The following PLEKHM3 variants were observed in gnomAD, a reference collection of about 807,000 sequenced individuals.
PLEKHM3 encodes the protein pleckstrin homology domain-containing family M member 3.
PLEKHM3 carries 45 observed loss-of-function variants against 81.8 expected under a neutral mutation model. The ratio of observed to expected loss-of-function variants is 0.55; its 90% CI spans 0.43 to 0.71. The LOEUF (loss-of-function observed/expected upper bound fraction) is 0.71. Ranked by LOEUF, PLEKHM3 falls within the 30% of genes least tolerant of loss-of-function variation. The pLI is 0.00. For synonymous variants in PLEKHM3, 352 were observed against 356.4 expected, an observed-to-expected ratio of 0.99 and a Z score of 0.14; for missense variants, 788 against 924.3, an observed-to-expected ratio of 0.85 and a Z score of 1.91.
At chr2:207,841,111 C>G (rs2092348791) in intron 7 of PLEKHM3, among the ~76,000 whole-genome samples, 1 of 151,778 alleles carries the variant, frequency 6.6e-6, no homozygotes, top group Admixed American at 6.6e-5. Context: ...CCGGACAACT[C>G]TTTACGTATT....
At position 207,922,076 on chromosome 2, in the gene PLEKHM3, T is replaced by G. The variant is rs112179026; in HGVS notation, c.1886+8850A>C. On this transcript the variant is annotated intron_variant, in intron 5 of 7. Coordinates refer to ENST00000427836, the MANE Select transcript of PLEKHM3 (RefSeq NM_001080475.3). ...AAGCTCCATGCTCTTTTCCATAGAGTCTGTACTAATTTACATTCCCACCAA... is the reference window on the plus strand; with the variant it reads ...AAGCTCCATGCTCTTTTCCATAGAGGCTGTACTAATTTACATTCCCACCAA... Among the ~76,000 whole-genome samples, 346 of 152,264 alleles carry G rather than the reference T, an allele frequency of 2.3e-3. 4 individuals are homozygous for G. The highest frequency in any genetic ancestry group is 7.9e-3 in the African/African-American group (330 of 41,544).
chr2:207,953,535 C>T (rs73064852), intron 3 of PLEKHM3, among the ~76,000 whole-genome samples: 7 of 152,228 alleles, frequency 4.6e-5, no homozygotes, highest in African/African-American at 1.7e-4. Flanking sequence ...TGGCTCATGC[C>T]TATAATCCTT....
In PLEKHM3 at chr2:208,001,392, G is replaced by A; in HGVS notation, c.248C>T (p.Thr83Ile). The change falls in exon 2 of 8, where the codon ACC becomes ATC. Residue 83 changes from threonine (T) to isoleucine (I), a missense_variant. By Grantham distance (89) the Thr-to-Ile change is moderately conservative. Transcript: ENST00000427836. ...WDHCKSRLLETKAQNVFPAKE... is the reference protein window; with the variant it reads ...WDHCKSRLLEIKAQNVFPAKE... ...GGCAGGGAAGACATTTTGAGCTTTG[G>A]TTTCTAAGAGCCTGCTCTTACAGTG... The A allele has an allele frequency of 6.2e-7, 1 of 1,614,122 alleles. No homozygotes were observed. Among genetic ancestry groups the A allele is most frequent in the South Asian group, 1.1e-5 (1 of 91,078 alleles).
rs543295035 is a variant in PLEKHM3, at chr2:207,976,025, T to G, written c.1546+626A>C. ...TTGACCTCAAACTCCACTTTGCATC[T>G]CATCCTTACATAGCAGTTCCAGAAG... On this transcript the variant is annotated intron_variant, in intron 3 of 7. Transcript: ENST00000427836. The surrounding 1 kb of genome is among the most constrained non-coding windows in gnomAD (Gnocchi z 4.1). Among the ~76,000 whole-genome samples the G allele has an allele frequency of 4.1e-4, 62 of 152,198 alleles. 1 individual carries two copies. Among genetic ancestry groups the G allele is most frequent in the African/African-American group, 1.4e-3 (58 of 41,524 alleles).
At chr2:207,945,843 G>A (rs1380437278) in intron 4 of PLEKHM3, among the ~76,000 whole-genome samples, 2 of 151,838 alleles carry the variant, frequency 1.3e-5, no homozygotes, top group Non-Finnish European at 2.9e-5. Context: ...GGAGGTTGCA[G>A]TGAGCAAAGA....
chr2:207,863,916 T>A (rs552495586), intron 6 of PLEKHM3, among the ~76,000 whole-genome samples: 85 of 149,860 alleles, frequency 5.7e-4, no homozygotes, highest in East Asian at 2.5e-3. Flanking sequence ...GCAAAAAAAA[T>A]ATATATATAT....
chr2:207,962,829 G>A (rs1690784593), intron 3 of PLEKHM3, among the ~76,000 whole-genome samples: 1 of 151,654 alleles, frequency 6.6e-6, no homozygotes, highest in African/African-American at 2.4e-5. Flanking sequence ...CAGTCCTGCA[G>A]AGAGGGTATT....
chr2:207,887,827 T>C (rs558860472), intron 6 of PLEKHM3, among the ~76,000 whole-genome samples: 1 of 152,272 alleles, frequency 6.6e-6, no homozygotes, highest in African/African-American at 2.4e-5. Flanking sequence ...AGAGAGGGCA[T>C]TAATTTAGTA....
At chr2:207,875,087 T>C (rs1354874094) in intron 6 of PLEKHM3, among the ~76,000 whole-genome samples, 1 of 151,854 alleles carries the variant, frequency 6.6e-6, no homozygotes, top group African/African-American at 2.4e-5. Flanking sequence ...ATATATAAAG[T>C]AAACAATTAG....
rs145520073 is a variant in PLEKHM3, at chr2:207,937,744, G to A, written c.1693-6625C>T. Among the ~76,000 whole-genome samples the A allele has an allele frequency of 1.3e-3, 197 of 152,090 alleles. 2 individuals carry two copies. The highest frequency in any genetic ancestry group is 4.4e-3 in the African/African-American group (181 of 41,502). On this transcript the variant is annotated intron_variant, in intron 4 of 7. Transcript: ENST00000427836. ...AAAAAATATCTATAATCTTACCACC[G>A]TAAAATAACCTTATTGCTTTGGTAA...
At chr2:207,920,809 A>G (rs1689156818) in intron 5 of PLEKHM3, among the ~76,000 whole-genome samples, 1 of 152,182 alleles carries the variant, frequency 6.6e-6, no homozygotes, top group South Asian at 2.1e-4. Flanking sequence ...TCTGGGACAT[A>G]GGAGGGTCTG....
intron 1 of PLEKHM3, among the ~76,000 whole-genome samples, chr2:208,002,558 A>G (rs1271505559): frequency 6.6e-6 from 1 of 152,164 alleles, no homozygotes; most frequent in Non-Finnish European, 1.5e-5. Flanking sequence ...CAAGACTTCC[A>G]GGATTGGCCT....
intron 3 of PLEKHM3, among the ~76,000 whole-genome samples, chr2:207,958,427 T>G (rs1690594572): frequency 6.6e-6 from 1 of 152,194 alleles, no homozygotes; most frequent in South Asian, 2.1e-4. Flanking sequence ...GAAAGAATGC[T>G]TCTTGTCATA....
chr2:207,844,766 C>T (rs1368418946), intron 7 of PLEKHM3, among the ~76,000 whole-genome samples: 2 of 152,158 alleles, frequency 1.3e-5, no homozygotes, highest in Non-Finnish European at 2.9e-5. Context: ...CTTTGCCCCC[C>T]AGGTTGGTTT....
chr2:207,986,708 T>C (rs1280796873), intron 2 of PLEKHM3, among the ~76,000 whole-genome samples: 5 of 151,506 alleles, frequency 3.3e-5, no homozygotes, highest in African/African-American at 7.3e-5. Flanking sequence ...TCTTGCTCTG[T>C]TGACCAAGCT....
chr2:208,017,601 C>T (rs1383775517), intron 1 of PLEKHM3, among the ~76,000 whole-genome samples: 1 of 152,106 alleles, frequency 6.6e-6, no homozygotes, highest in Non-Finnish European at 1.5e-5. Context: ...CCCAAGTTCC[C>T]CCACAGCTAG....
At chr2:207,869,077 A>G (rs2092518428) in intron 6 of PLEKHM3, 2 of 152,206 alleles carry the variant, frequency 1.3e-5, no homozygotes, top group African/African-American at 4.8e-5. Context: ...CAACACCTGG[A>G]AATTGTGTCT....
Position 208,001,476 on chromosome 2 carries a change from G to A in PLEKHM3, c.164C>T (p.Thr55Ile), listed in dbSNP as rs143047693. The part of the protein sequence containing the change: ...LVGHEVLSNI[T>I]DNGAMRNVTS... The stretch of plus-strand genomic sequence containing the variant: ...GACATTTCTCATAGCACCATTGTCT[G>A]TTATGTTACTGAGTACCTCATGCCC... The change falls in exon 2 of 8, where the codon ACA becomes ATA. Residue 55 changes from threonine to isoleucine, a missense_variant. Physicochemically the swap from Thr to Ile is moderately conservative, Grantham distance 89. Transcript: ENST00000427836. 244 of 1,614,154 alleles carry A rather than the reference G, an allele frequency of 1.5e-4. No individual in the cohort carries two copies. In the African/African-American group the frequency reaches 2.6e-3, roughly 17 times the overall value.
intron 6 of PLEKHM3, chr2:207,901,242 G>A (rs1020268813): frequency 4.3e-6 from 3 of 702,782 alleles, no homozygotes; most frequent in East Asian, 2.7e-5. Context: ...GCCACATCCC[G>A]TGCCGAGCTC....
Sources: gnomAD v4.1 joint callset for allele counts (sites outside exome capture counted in the v4.1 genomes callset) on GRCh38, gnomAD v4.1.1 for gene constraint, Gnocchi (gnomAD v3.1) non-coding constraint, MANE v1.5 for transcripts, NCBI Gene and HGNC (gene_info 2026-07-23, HGNC 2026-07-21) for gene names.